The following SRPRA variants were observed in gnomAD, a reference collection of about 807,000 sequenced individuals.
SRPRA encodes the protein signal recognition particle receptor subunit alpha.
Under a neutral mutation model 61.1 loss-of-function variants are expected in SRPRA, and 30 were observed. The ratio of observed to expected loss-of-function variants is 0.49; its 90% CI spans 0.37 to 0.67. SRPRA has a LOEUF of 0.67. Among genes scored for constraint, SRPRA ranks in the 30% least tolerant of loss-of-function variants. The probability of loss-of-function intolerance (pLI) is 0.00; values close to 1 mark genes in which losing one functional copy is unlikely to be tolerated. For synonymous variants in SRPRA, 324 were observed against 299.7 expected (o/e 1.08, Z -0.84); for missense variants, 759 against 828.4 (o/e 0.92, Z 1.03).
rs545033643 is a variant in SRPRA, at chr11:126,267,772, C to T, written c.202-60G>A. ...TACATACTAGCCTAGAATGGAGGGA[C>T]GCCAACTCAACCCTGGCTTTCAGAG... On this transcript the variant is annotated intron_variant, in intron 2 of 13. Transcript: ENST00000332118. This position sits in a 1 kb window ranked among gnomAD's most constrained non-coding sequence, Gnocchi z 4.2. The T allele has an allele frequency of 1.4e-5, 22 of 1,596,918 alleles. No homozygotes were observed. The highest frequency in any genetic ancestry group is 1.7e-4 in the Middle Eastern group (1 of 5,996).
chr11:126,268,036 A>G lies in SRPRA; in HGVS notation c.168T>C (p.Tyr56=). The G allele has an allele frequency of 6.2e-7, 1 of 1,614,196 alleles. No homozygotes were observed. Among genetic ancestry groups the G allele is most frequent in the Non-Finnish European group, 8.5e-7 (1 of 1,180,032 alleles). ...SFTHEALTLK[Y]KLDNQFELVF... The stretch of plus-strand genomic sequence containing the variant: ...CCAGCTCAAACTGGTTGTCCAGTTT[A>G]TACTTGAGTGTGAGTGCCTCATGGG... Residue 56 remains tyrosine (Y), a synonymous_variant, in exon 2 of 14, where the codon TAT becomes TAC. Coordinates refer to ENST00000332118, the MANE Select transcript of SRPRA (RefSeq NM_003139.4).
chr11:126,268,204 C>T, intron 1 of SRPRA, 118 bp from the exon 2 acceptor site: 2 of 822,906 alleles, frequency 2.4e-6, no homozygotes, highest in Non-Finnish European at 3.9e-6. Context: ...AAATCTGTCC[C>T]CAGGACAAGA....
At chr11:126,254,727 G>A in the SRPRA span, among the ~76,000 whole-genome samples, 1 of 152,228 alleles carries the variant, frequency 6.6e-6, no homozygotes, top group Non-Finnish European at 1.5e-5. Context: ...TTGGGAGGCT[G>A]AGGCAGGAAG....
the SRPRA span, among the ~76,000 whole-genome samples, chr11:126,243,771 G>A: frequency 1.3e-5 from 2 of 152,030 alleles, no homozygotes; most frequent in Non-Finnish European, 2.9e-5. Flanking sequence ...GGGCATGGTA[G>A]TGCATGCCTG....
chr11:126,268,712 C>T lies in SRPRA; in HGVS notation c.93G>A (p.Ala31=), dbSNP rs369283036. 1.2e-5 allele frequency: 19 copies of T among 1,613,784 alleles called. No homozygotes were observed. The Middle Eastern group carries it at 4.9e-4, about 42-fold the overall frequency. The change falls in exon 1 of 14, where the codon GCG becomes GCA. Residue 31 remains alanine, a synonymous_variant. Transcript: ENST00000332118. The part of the protein sequence containing the change: ...VSDSCTGPVN[A]LIRSVLLQER... ...CCTGCAGCAGCACGGAACGAATCAA[C>T]GCGTTAACGGGTCCGGTGCATGAGT... is the stretch of plus-strand genomic sequence containing the variant.
At chr11:126,237,251 C>T in the SRPRA span, among the ~76,000 whole-genome samples, 3 of 87,886 alleles carry the variant, frequency 3.4e-5, no homozygotes, top group African/African-American at 4.6e-5. Flanking sequence ...GATGGAGTCT[C>T]GCTCTGTTGC....
In SRPRA at chr11:126,264,335, C is replaced by G. The variant is rs1950762986; in HGVS notation, c.1689+41G>C. ...AAGTGTAAGAACCATCTAAATTGAC[C>G]AAAGCTCAAGTTGTAAAGGGAACTG... On this transcript the variant is annotated intron_variant, in intron 12 of 13. Coordinates refer to ENST00000332118, the MANE Select transcript of SRPRA (RefSeq NM_003139.4). The surrounding 1 kb of genome is among the most constrained non-coding windows in gnomAD (Gnocchi z 5.0). The G allele has an allele frequency of 1.2e-6, 2 of 1,613,398 alleles. No individual in the cohort carries two copies. Among genetic ancestry groups the G allele is most frequent in the Non-Finnish European group, 1.7e-6 (2 of 1,179,468 alleles).
downstream of SRPRA, chr11:126,261,995 C>A: frequency 1.1e-6 from 1 of 882,258 alleles, no homozygotes; most frequent in Non-Finnish European, 1.8e-6. Flanking sequence ...AAATAAATTA[C>A]AAGATTCCTA....
At chr11:126,255,616 A>G in the SRPRA span, among the ~76,000 whole-genome samples, 12 of 152,336 alleles carry the variant, frequency 7.9e-5, no homozygotes, top group Admixed American at 7.8e-4. This position sits in a 1 kb window ranked among gnomAD's most constrained non-coding sequence, Gnocchi z 4.6. Context: ...TATGGTCCAG[A>G]AATGGAAGGA....
the SRPRA span, among the ~76,000 whole-genome samples, chr11:126,252,668 A>G: frequency 1.3e-5 from 2 of 152,120 alleles, no homozygotes; most frequent in Non-Finnish European, 2.9e-5. This position sits in a 1 kb window ranked among gnomAD's most constrained non-coding sequence, Gnocchi z 4.7. Context: ...GATTGAGCTG[A>G]GGCAGTCGAG....
At chr11:126,266,162 C>T in intron 7 of SRPRA, 25 bp downstream of exon 7, 1 of 1,613,548 alleles carries the variant, frequency 6.2e-7, no homozygotes. Flanking sequence ...ATGCATATAC[C>T]AACCCCCACC....
chr11:126,261,869 A>G (rs1950708036), downstream of SRPRA, among the ~76,000 whole-genome samples: 1 of 152,082 alleles, frequency 6.6e-6, no homozygotes, highest in Non-Finnish European at 1.5e-5. Flanking sequence ...CTGTGTGCCT[A>G]TAGTCCCGGC....
rs377275525 is a variant in SRPRA, at chr11:126,267,808, C to T, written c.202-96G>A. 5 of 1,544,014 alleles carry T rather than the reference C, an allele frequency of 3.2e-6. No homozygotes were observed. In the African/African-American group the frequency reaches 6.8e-5, roughly 21 times the overall value. ...CCCTGGCTTTCAGAGATAGGTTCAG[C>T]TACCTGGCCGGTTTCCCTGTCCTGA... On this transcript the variant is annotated intron_variant, in intron 2 of 13. Transcript: ENST00000332118. The surrounding 1 kb of genome is among the most constrained non-coding windows in gnomAD (Gnocchi z 4.2).
chr11:126,240,714 A>T, the SRPRA span: 1 of 1,411,704 alleles, frequency 7.1e-7, no homozygotes, highest in Non-Finnish European at 9.5e-7. Context: ...TAAAAACTGT[A>T]ACCTGAGTCA....
At chr11:126,254,847 A>G in the SRPRA span, among the ~76,000 whole-genome samples, 1 of 152,136 alleles carries the variant, frequency 6.6e-6, no homozygotes, top group Non-Finnish European at 1.5e-5. Context: ...AAGAAACTGG[A>G]AAGTCAGACG....
chr11:126,268,639 T>C (rs1950875366), intron 1 of SRPRA, 49 bp downstream of exon 1: 10 of 1,504,060 alleles, frequency 6.6e-6, no homozygotes, highest in Non-Finnish European at 9.2e-6. Context: ...GGACCATGGA[T>C]CGGGTCAGGA....
chr11:126,239,491 A>AT, the SRPRA span, among the ~76,000 whole-genome samples: 1 of 151,962 alleles, frequency 6.6e-6, no homozygotes, highest in Non-Finnish European at 1.5e-5. Flanking sequence ...ACTGAAACTC[A>AT]TTTTTCATCA....
chr11:126,252,653 C>T, the SRPRA span, among the ~76,000 whole-genome samples: 3 of 151,320 alleles, frequency 2.0e-5, no homozygotes, highest in African/African-American at 4.9e-5. The surrounding 1 kb of genome is among the most constrained non-coding windows in gnomAD (Gnocchi z 4.7). Context: ...TGAAGCAGGA[C>T]GATCGATTGA....
At chr11:126,261,352 C>A, downstream of SRPRA, 1 of 1,254,412 alleles carries the variant, frequency 8.0e-7, no homozygotes, top group Admixed American at 1.7e-5. Flanking sequence ...CCTCATCTCC[C>A]TTTAGTTTTC....
Sources: allele counts gnomAD v4.1 joint callset (sites outside exome capture counted in the v4.1 genomes callset), GRCh38; gene constraint gnomAD v4.1.1; non-coding constraint Gnocchi (gnomAD v3.1); transcripts MANE v1.5; gene names NCBI Gene and HGNC (gene_info 2026-07-23, HGNC 2026-07-21).